The following THBS4 variants were observed in gnomAD, a reference collection of about 807,000 sequenced individuals.
THBS4 encodes the protein thrombospondin 4, also known as thrombospondin-4.
THBS4 carries 90 observed loss-of-function variants against 115.7 expected under a neutral mutation model. The observed-to-expected ratio is 0.78, with a 90% confidence interval of 0.66 to 0.93. THBS4 has a LOEUF of 0.93. Ranked by LOEUF, THBS4 falls within the 40% of genes least tolerant of loss-of-function variation. THBS4 has a pLI of 0.00. For missense variants in THBS4, 1,087 were observed against 1,232.7 expected, an observed-to-expected ratio of 0.88 and a Z score of 1.77; for synonymous variants, 460 against 479.3, an observed-to-expected ratio of 0.96 and a Z score of 0.53.
intron 2 of THBS4, among the ~76,000 whole-genome samples, chr5:80,011,456 A>G (rs750936296): frequency 6.6e-6 from 1 of 152,170 alleles, no homozygotes; most frequent in Non-Finnish European, 1.5e-5. Context: ...TAAAAGGAAG[A>G]AGGGAGAAGG....
intron 1 of THBS4, among the ~76,000 whole-genome samples, chr5:80,039,621 G>T (rs1020624997): frequency 2.6e-5 from 4 of 152,216 alleles, no homozygotes; most frequent in African/African-American, 9.7e-5. Flanking sequence ...CCTGTCATTT[G>T]TCACTGACCA....
intron 2 of THBS4, among the ~76,000 whole-genome samples, chr5:80,009,128 C>T (rs540884581): frequency 3.3e-5 from 5 of 152,260 alleles, no homozygotes; most frequent in South Asian, 4.1e-4. Context: ...ACTCATGACA[C>T]GGCTCAGGTT....
intron 2 of THBS4, among the ~76,000 whole-genome samples, chr5:80,055,371 A>C (rs892931899): frequency 2.6e-5 from 4 of 151,924 alleles, no homozygotes; most frequent in Non-Finnish European, 5.9e-5. Flanking sequence ...ACCTAAGGAC[A>C]GCCCCCAGCC....
chr5:80,035,078 C>A (rs1486991602), upstream of THBS4, among the ~76,000 whole-genome samples: 2 of 152,130 alleles, frequency 1.3e-5, no homozygotes, highest in African/African-American at 2.4e-5. The surrounding 1 kb of genome is among the most constrained non-coding windows in gnomAD (Gnocchi z 4.6). Flanking sequence ...CCTGTGGTCT[C>A]TGCTCAGCAC....
intron 2 of THBS4, among the ~76,000 whole-genome samples, chr5:80,024,250 T>C (rs184126938): frequency 6.6e-6 from 1 of 152,180 alleles, no homozygotes; most frequent in Non-Finnish European, 1.5e-5. Context: ...CCCAAGGTCA[T>C]ATAGTCATGG....
intron 2 of THBS4, among the ~76,000 whole-genome samples, chr5:80,048,711 T>C (rs2112061921): frequency 6.6e-6 from 1 of 151,932 alleles, no homozygotes; most frequent in Admixed American, 6.6e-5. Context: ...AAGAAAACTT[T>C]GAAACAGACT....
In THBS4 at chr5:80,079,083, T is replaced by TTGAC; in HGVS notation, c.2338_2341dup (p.Phe781Ter). ...ACAGGGTACACAGCTTTTAATGGAG[T>TTGAC]TGACTTCGAAGGGACCTTCCATGTG... On this transcript the variant is annotated frameshift_variant, in exon 19 of 22. Transcript: ENST00000350881. LOFTEE classifies it high-confidence loss of function. The TTGAC allele has an allele frequency of 6.2e-7, 1 of 1,613,600 alleles. No individual in the cohort carries two copies.
Position 80,046,195 on chromosome 5 carries a change from C to A in THBS4, c.292+5915C>A, listed in dbSNP as rs1176550222. Among the ~76,000 whole-genome samples, 4 of 152,078 alleles carry A rather than the reference C, an allele frequency of 2.6e-5. 1 individual carries two copies. The South Asian group carries it at 8.3e-4, about 31-fold the overall frequency. ...GATGGCTCTTTTGTTTCTGTCTTAC[C>A]CATCAAGGGGAGTGTTCTTCAAATT... On this transcript the variant is annotated intron_variant, in intron 2 of 21. Transcript: ENST00000350881.
chr5:80,011,584 C>T (rs1311580183), intron 2 of THBS4, among the ~76,000 whole-genome samples: 1 of 152,070 alleles, frequency 6.6e-6, no homozygotes, highest in Admixed American at 6.6e-5. Flanking sequence ...AACACAGAAG[C>T]AGAAAGAGAG....
At chr5:80,033,270 T>C (rs1832620359), upstream of THBS4, 1 of 370,886 alleles carries the variant, frequency 2.7e-6, no homozygotes, top group South Asian at 2.5e-5. Context: ...CCAACACATC[T>C]ACCTCCAGCA....
At chr5:80,036,881 A>T (rs558279648) in intron 1 of THBS4, among the ~76,000 whole-genome samples, 2 of 152,320 alleles carry the variant, frequency 1.3e-5, no homozygotes, top group Admixed American at 6.5e-5. Flanking sequence ...GGCGTTCTCA[A>T]CTTCCCTGCC....
upstream of THBS4, among the ~76,000 whole-genome samples, chr5:80,032,040 A>G (rs1215555367): frequency 6.6e-6 from 1 of 152,066 alleles, no homozygotes; most frequent in Non-Finnish European, 1.5e-5. Context: ...TGGATACTGG[A>G]AAAAAAATCA....
intron 2 of THBS4, among the ~76,000 whole-genome samples, chr5:80,004,503 C>T (rs567776144): frequency 6.6e-6 from 1 of 152,282 alleles, no homozygotes; most frequent in South Asian, 2.1e-4. Context: ...TAGTCTCCTG[C>T]CACTGTGGCC....
At chr5:80,004,676 A>G (rs1196702802) in intron 2 of THBS4, among the ~76,000 whole-genome samples, 2 of 152,336 alleles carry the variant, frequency 1.3e-5, no homozygotes. Flanking sequence ...TACCATGTGT[A>G]ACTTTCACTT....
rs75798618 is a variant in THBS4 at position 80,028,343 on chromosome 5, A to T, written n.178-11734A>T. On this transcript the variant is annotated intron_variant and non_coding_transcript_variant, in intron 2 of 3. Coordinates refer to the THBS4 transcript ENST00000510218. ...ACTGCTTTCAACAGAGTCACCAGTGACTTCCCAGTTGATAAACCCAAGCAC... is the reference window on the plus strand; with the variant it reads ...ACTGCTTTCAACAGAGTCACCAGTGTCTTCCCAGTTGATAAACCCAAGCAC... 5.3e-3 allele frequency among the ~76,000 whole-genome samples: 802 copies of T among 152,194 alleles called. 9 individuals carry two copies. Among genetic ancestry groups the T allele is most frequent in the African/African-American group, 0.018 (765 of 41,524 alleles).
intron 18 of THBS4, 26 bp downstream of exon 18, chr5:80,078,995 T>C (rs1466471160): frequency 6.2e-7 from 1 of 1,613,870 alleles, no homozygotes; most frequent in Non-Finnish European, 8.5e-7. Context: ...CAGTTGCCAC[T>C]CACATAGAAT....
At chr5:80,011,458 G>A (rs1380671928) in intron 2 of THBS4, among the ~76,000 whole-genome samples, 2 of 152,132 alleles carry the variant, frequency 1.3e-5, no homozygotes, top group African/African-American at 2.4e-5. Flanking sequence ...AAAGGAAGAA[G>A]GGAGAAGGGA....
intron 1 of THBS4, among the ~76,000 whole-genome samples, chr5:80,038,009 A>G (rs1832771815): frequency 6.6e-6 from 1 of 152,188 alleles, no homozygotes; most frequent in African/African-American, 2.4e-5. Flanking sequence ...TGAAAAATAC[A>G]GTATAGATCC....
chr5:80,055,300 G>C (rs1833385759), intron 2 of THBS4, among the ~76,000 whole-genome samples: 1 of 151,548 alleles, frequency 6.6e-6, no homozygotes, highest in African/African-American at 2.4e-5. Context: ...GCAGCCTGGG[G>C]GACAGAGTGA....
Sources: gnomAD v4.1 joint callset for allele counts (sites outside exome capture counted in the v4.1 genomes callset) on GRCh38, gnomAD v4.1.1 for gene constraint, Gnocchi (gnomAD v3.1) non-coding constraint, MANE v1.5 for transcripts, NCBI Gene and HGNC (gene_info 2026-07-23, HGNC 2026-07-21) for gene names.